SIL1: variants seen among roughly 807,000 people sequenced by gnomAD.
SIL1 encodes nucleotide exchange factor SIL1.
A neutral mutation model predicts 49.1 loss-of-function variants in SIL1; 40 were observed. The ratio of observed to expected loss-of-function variants is 0.81; its 90% CI spans 0.63 to 1.06. The LOEUF is 1.06. Among genes scored for constraint, SIL1 ranks in the 50% least tolerant of loss-of-function variants. The pLI, the probability that SIL1 is intolerant of heterozygous loss-of-function variation, is 0.00. For synonymous variants in SIL1, 253 were observed against 250.8 expected (o/e 1.01, Z -0.08); for missense variants, 500 against 572.6 (o/e 0.87, Z 1.29).
intron 3 of SIL1, among the ~76,000 whole-genome samples, chr5:139,103,772 G>C (rs999422068): frequency 1.3e-5 from 2 of 152,202 alleles, no homozygotes; most frequent in Non-Finnish European, 2.9e-5. Flanking sequence ...AAGTTCAAGG[G>C]AAGCCAGGAC....
intron 3 of SIL1, among the ~76,000 whole-genome samples, chr5:139,100,471 A>G (rs1770563117): frequency 6.6e-6 from 1 of 152,190 alleles, no homozygotes; most frequent in Non-Finnish European, 1.5e-5. Flanking sequence ...GAAGGAGCTA[A>G]CCCTTACTTT....
intron 1 of SIL1, among the ~76,000 whole-genome samples, chr5:139,195,563 A>AT (rs1188204720): frequency 2.0e-4 from 30 of 151,762 alleles, no homozygotes; most frequent in Admixed American, 5.3e-4. Context: ...AATTTTTTGT[A>AT]TTTTTAGTAG....
chr5:139,113,158 G>GCGGAAGGC (rs1162910906), intron 3 of SIL1, among the ~76,000 whole-genome samples: 1 of 151,910 alleles, frequency 6.6e-6, no homozygotes, highest in African/African-American at 2.4e-5. Context: ...CACAAACACT[G>GCGGAAGGC]CGGAAGGCCG....
intron 1 of SIL1, among the ~76,000 whole-genome samples, chr5:139,178,748 A>G (rs192561543): frequency 2.7e-4 from 41 of 152,168 alleles, no homozygotes; most frequent in Admixed American, 2.3e-3. Context: ...TTCTTTCAAT[A>G]CACTTATTCC....
intron 7 of SIL1, among the ~76,000 whole-genome samples, chr5:138,958,952 CTTAT>C (rs1474330079): frequency 6.6e-6 from 1 of 152,100 alleles, no homozygotes; most frequent in Non-Finnish European, 1.5e-5. Context: ...TTAATAGATT[CTTAT>C]TTAATCTATG....
chr5:139,064,919 CAG>C (rs2150468003), intron 3 of SIL1, among the ~76,000 whole-genome samples: 1 of 152,302 alleles, frequency 6.6e-6, no homozygotes, highest in East Asian at 1.9e-4. Flanking sequence ...AGGAGATGCT[CAG>C]AGCTGACACC....
chr5:139,051,748 C>G (rs1034516268), intron 3 of SIL1, among the ~76,000 whole-genome samples: 1 of 152,236 alleles, frequency 6.6e-6, no homozygotes, highest in Non-Finnish European at 1.5e-5. Flanking sequence ...CCTACACCCA[C>G]CTATCTATGG....
chr5:138,988,676 C>T (rs1300291247), intron 7 of SIL1, among the ~76,000 whole-genome samples: 1 of 152,134 alleles, frequency 6.6e-6, no homozygotes, highest in African/African-American at 2.4e-5. Flanking sequence ...ACAGTGCTAC[C>T]AGCCTGACCA....
chr5:139,099,593 T>A (rs1347467731), intron 3 of SIL1, among the ~76,000 whole-genome samples: 2 of 152,028 alleles, frequency 1.3e-5, no homozygotes, highest in Non-Finnish European at 2.9e-5. Flanking sequence ...TACTATTCAG[T>A]CATTAAAAAA....
chr5:139,035,339 T>G, intron 5 of SIL1: 2 of 530,214 alleles, frequency 3.8e-6, no homozygotes, highest in Non-Finnish European at 7.4e-6. Flanking sequence ...AAGTGATATT[T>G]CCACTGTGTT....
intron 7 of SIL1, among the ~76,000 whole-genome samples, chr5:138,957,538 C>T (rs1003623181): frequency 6.6e-6 from 1 of 151,330 alleles, no homozygotes; most frequent in South Asian, 2.1e-4. Flanking sequence ...GAGCTATGGG[C>T]AACAGAGTGA....
intron 3 of SIL1, among the ~76,000 whole-genome samples, chr5:139,068,808 T>A (rs1769765936): frequency 6.6e-6 from 1 of 151,726 alleles, no homozygotes. Context: ...AAAATTATAA[T>A]AAAAAGAAGA....
chr5:138,999,359 T>C (rs942639834), intron 7 of SIL1, among the ~76,000 whole-genome samples: 3 of 152,192 alleles, frequency 2.0e-5, no homozygotes, highest in African/African-American at 2.4e-5. Context: ...TGTTGGCATA[T>C]AGAAATGCTA....
At chr5:139,054,227 G>A (rs923463876) in intron 3 of SIL1, among the ~76,000 whole-genome samples, 1 of 152,152 alleles carries the variant, frequency 6.6e-6, no homozygotes, top group Admixed American at 6.5e-5. Context: ...AACACAGTGA[G>A]ACCCCGTCTG....
intron 3 of SIL1, among the ~76,000 whole-genome samples, chr5:139,113,464 A>C (rs1432363109): frequency 6.7e-6 from 1 of 148,284 alleles, no homozygotes; most frequent in African/African-American, 2.5e-5. Flanking sequence ...TTTCCCTTAC[A>C]CACACCTGCC....
At chr5:138,975,556 C>T (rs558407606) in intron 7 of SIL1, among the ~76,000 whole-genome samples, 3 of 152,290 alleles carry the variant, frequency 2.0e-5, no homozygotes, top group South Asian at 2.1e-4. Context: ...GTCTCCAGCA[C>T]GGTCACCGGC....
chr5:138,979,133 C>A (rs1376428272), intron 7 of SIL1, among the ~76,000 whole-genome samples: 1 of 151,556 alleles, frequency 6.6e-6, no homozygotes, highest in Non-Finnish European at 1.5e-5. Flanking sequence ...TGCATGATCT[C>A]GGCTCACTGA....
chr5:138,984,492 G>C (rs1443218625), intron 7 of SIL1, among the ~76,000 whole-genome samples: 1 of 151,972 alleles, frequency 6.6e-6, no homozygotes, highest in Non-Finnish European at 1.5e-5. Context: ...CCAAACAGCT[G>C]GGACTACAGG....
chr5:139,001,776 G>A (rs1767988792), intron 7 of SIL1, among the ~76,000 whole-genome samples: 1 of 152,044 alleles, frequency 6.6e-6, no homozygotes, highest in Non-Finnish European at 1.5e-5. Context: ...GTGGTGGCGG[G>A]CGCCTATAGT....
Sources: allele counts gnomAD v4.1 joint callset (sites outside exome capture counted in the v4.1 genomes callset), GRCh38; gene constraint gnomAD v4.1.1; transcripts MANE v1.5; gene names NCBI Gene and HGNC (gene_info 2026-07-23, HGNC 2026-07-21).